HBP1: variants seen among roughly 807,000 people sequenced by gnomAD.
HBP1 encodes the protein HMG box-containing protein 1.
In HBP1, 20 loss-of-function variants were observed where a neutral mutation model predicts 62.6. That is an observed-to-expected ratio of 0.32 (90% CI 0.22 to 0.46). The LOEUF is 0.46. Among genes scored for constraint, HBP1 ranks in the 20% least tolerant of loss-of-function variants. The pLI is 1.00. For missense variants in HBP1, 480 were observed against 611.8 expected, an observed-to-expected ratio of 0.78 and a Z score of 2.27; for synonymous variants, 232 against 206.2, an observed-to-expected ratio of 1.12 and a Z score of -1.07.
chr7:107,178,041 GCAGTTTTGAT>G (rs1182350943), intron 1 of HBP1, among the ~76,000 whole-genome samples: 1 of 152,036 alleles, frequency 6.6e-6, no homozygotes, highest in Non-Finnish European at 1.5e-5. Context: ...TTTTTTCAGT[GCAGTTTTGAT>G]CAGCCTGCAC....
intron 1 of HBP1, among the ~76,000 whole-genome samples, chr7:107,170,289 A>G (rs1796490701): frequency 6.6e-6 from 1 of 152,226 alleles, no homozygotes; most frequent in African/African-American, 2.4e-5. Flanking sequence ...CTTCCCTCTG[A>G]ATAGCCGTAA....
chr7:107,186,107 C>T (rs1005588131), intron 4 of HBP1, among the ~76,000 whole-genome samples, 165 bp downstream of exon 4: 5 of 149,514 alleles, frequency 3.3e-5, no homozygotes, highest in African/African-American at 1.2e-4. Context: ...TGGGAATGTG[C>T]GTATAACTAA....
intron 6 of HBP1, among the ~76,000 whole-genome samples, chr7:107,188,732 A>G (rs1011786651): frequency 3.9e-5 from 6 of 152,174 alleles, no homozygotes; most frequent in Admixed American, 1.3e-4. Context: ...TTTCTTCTGT[A>G]GAGTCTTTTC....
chr7:107,198,039 C>T (rs536153954), intron 9 of HBP1, among the ~76,000 whole-genome samples: 10 of 152,218 alleles, frequency 6.6e-5, no homozygotes, highest in South Asian at 6.2e-4. Flanking sequence ...GTCTCTTCCC[C>T]GCCAGTAGTT....
At chr7:107,171,791 C>CA (rs1368807940) in intron 1 of HBP1, among the ~76,000 whole-genome samples, 1 of 142,906 alleles carries the variant, frequency 7.0e-6, no homozygotes, top group Non-Finnish European at 1.5e-5. Context: ...ACCCGGGAGG[C>CA]AGAGATTGCA....
At position 107,187,776 on chromosome 7, in the gene HBP1, G is replaced by A. The variant is rs528931905; in HGVS notation, c.765+1095G>A. Among the ~76,000 whole-genome samples, 137 of 152,294 alleles carry A rather than the reference G, an allele frequency of 9.0e-4. 1 individual carries two copies. Among genetic ancestry groups the A allele is most frequent in the Admixed American group, 4.5e-3 (69 of 15,302 alleles). On this transcript the variant is annotated intron_variant, in intron 6 of 10. Coordinates refer to ENST00000222574, the MANE Select transcript of HBP1 (RefSeq NM_012257.4). ...TCTGTTTGACATCTGTACAACATTT[G>A]ACACATTGGGTTAGTTCCTGACATT...
rs942272125 is a variant in HBP1 at position 107,169,757 on chromosome 7, G to T, written c.-16+572G>T. ...TGGGCTCCCAGGCGCCTGCGCGCTG[G>T]GGCTGAGCCGAGGGGAAAAACAAGC... On this transcript the variant is annotated intron_variant, in intron 1 of 10. Transcript: ENST00000222574. The T allele has an allele frequency of 1.2e-5, 12 of 985,320 alleles. No homozygotes were observed. The African/African-American group carries it at 1.2e-4, about 10-fold the overall frequency. 61.0% of individuals were successfully genotyped at this position (985,320 alleles called of 1,614,324 possible). A position where few individuals can be genotyped will look rare whatever the true frequency, so the allele number is the denominator to read the frequency against.
At chr7:107,195,790 T>C (rs749618409) in intron 8 of HBP1, 44 bp from the exon 9 acceptor site, 1 of 922,798 alleles carries the variant, frequency 1.1e-6, no homozygotes, top group Middle Eastern at 3.8e-4. Context: ...AATCAGAGAA[T>C]TCAAAATTGA....
Position 107,190,222 on chromosome 7 carries a change from A to G in HBP1, c.972A>G (p.Pro324=), listed in dbSNP as rs1797585977. The part of the protein sequence containing the change: ...PSLTVVQHGI[P]CCEVHIGDVC... ...TGACTGTGGTACAGCATGGCATTCC[A>G]TGTTGTGAAGTTCATATTGGCGATG... Residue 324 remains proline (P), a synonymous_variant, in exon 8 of 11, where the codon CCA becomes CCG. Transcript: ENST00000222574. The G allele has an allele frequency of 1.2e-6, 2 of 1,611,780 alleles. No homozygotes were observed. Among genetic ancestry groups the G allele is most frequent in the Admixed American group, 1.7e-5 (1 of 59,880 alleles).
rs191245804 is a variant in HBP1, at chr7:107,189,280, A to G, written c.766-12A>G. 637 of 1,606,558 alleles carry G rather than the reference A, an allele frequency of 4.0e-4. 3 individuals are homozygous for G. Among genetic ancestry groups the G allele is most frequent in the Non-Finnish European group, 2.6e-5 (31 of 1,173,894 alleles). On this transcript the variant is annotated splice_polypyrimidine_tract_variant and intron_variant, in intron 6 of 10. Coordinates refer to ENST00000222574, the MANE Select transcript of HBP1 (RefSeq NM_012257.4). ...CATTTCCAATTCATTCACGCTATGC[A>G]TATATTTTCAGGGCTATGGTTCTGA...
chr7:107,179,189 A>C (rs1796994257), intron 1 of HBP1, among the ~76,000 whole-genome samples: 1 of 152,072 alleles, frequency 6.6e-6, no homozygotes, highest in Non-Finnish European at 1.5e-5. Flanking sequence ...ACTTTTATTA[A>C]GGAAAGTTTT....
chr7:107,169,665 C>A, intron 1 of HBP1: 1 of 853,638 alleles, frequency 1.2e-6, no homozygotes, highest in Non-Finnish European at 1.4e-6. Flanking sequence ...GAGGGGGATT[C>A]TGGCTGAGCT....
At chr7:107,187,096 C>CA (rs1797418579) in intron 6 of HBP1, among the ~76,000 whole-genome samples, 1 of 151,736 alleles carries the variant, frequency 6.6e-6, no homozygotes, top group African/African-American at 2.4e-5. Flanking sequence ...ACTAAAAATA[C>CA]AAAAAAATTA....
intron 1 of HBP1, among the ~76,000 whole-genome samples, chr7:107,171,969 T>C (rs1172163474): frequency 1.3e-5 from 2 of 150,786 alleles, no homozygotes; most frequent in African/African-American, 4.9e-5. Flanking sequence ...TAAAAAAAAA[T>C]TAAAGCTGCC....
rs376346663 is a variant in HBP1, at chr7:107,174,368, T to C, written c.-16+5183T>C. The stretch of plus-strand genomic sequence containing the variant: ...ACACATAGAACTTATATTCAGTAAA[T>C]ATTTATTTGGTTCTTTTGGTTATTT... On this transcript the variant is annotated intron_variant, in intron 1 of 10. Coordinates refer to ENST00000222574, the MANE Select transcript of HBP1 (RefSeq NM_012257.4). 1.3e-4 allele frequency: 79 copies of C among 608,840 alleles called. No homozygotes were observed. In the African/African-American group the frequency reaches 1.4e-3, roughly 10 times the overall value. The allele number at this position is 608,840 out of a possible 1,614,324, so 37.7% of individuals were successfully genotyped here.
chr7:107,169,105 C>T lies in HBP1; in HGVS notation c.-96C>T. On this transcript the variant is annotated 5_prime_UTR_variant, in exon 1 of 11. Transcript: ENST00000222574. Reference sequence around the variant, plus strand: ...CCGCGCGGGGGAGGCCGACGTCGGTCGGAGAGGGGGTACGAGAGCTGCTGG... The same window carrying T: ...CCGCGCGGGGGAGGCCGACGTCGGTTGGAGAGGGGGTACGAGAGCTGCTGG... 2.4e-6 allele frequency: 3 copies of T among 1,275,686 alleles called. No individual in the cohort carries two copies. The highest frequency in any genetic ancestry group is 3.1e-6 in the Non-Finnish European group (3 of 982,402). 79.0% of individuals were successfully genotyped at this position (1,275,686 alleles called of 1,614,324 possible). A position where few individuals can be genotyped will look rare whatever the true frequency, so the allele number is the denominator to read the frequency against.
intron 1 of HBP1, among the ~76,000 whole-genome samples, chr7:107,175,047 A>G (rs1271921105): frequency 3.3e-5 from 5 of 152,078 alleles, no homozygotes; most frequent in African/African-American, 7.2e-5. Context: ...TGGCTTTCAT[A>G]GAGACTGGGA....
At chr7:107,196,257 A>G (rs763555930) in intron 9 of HBP1, 106 bp downstream of exon 9, 40 of 785,526 alleles carry the variant, frequency 5.1e-5, no homozygotes, top group Non-Finnish European at 7.2e-5. Flanking sequence ...CTTTTATTCA[A>G]CTCTTAGGTT....
intron 8 of HBP1, among the ~76,000 whole-genome samples, chr7:107,191,146 T>A (rs1003411829): frequency 6.6e-6 from 1 of 152,200 alleles, no homozygotes; most frequent in African/African-American, 2.4e-5. Flanking sequence ...CCTGCTGGCC[T>A]GTAGATTTTA....
Sources: gnomAD v4.1 joint callset for allele counts (sites outside exome capture counted in the v4.1 genomes callset) on GRCh38, gnomAD v4.1.1 for gene constraint, MANE v1.5 for transcripts, NCBI Gene and HGNC (gene_info 2026-07-23, HGNC 2026-07-21) for gene names.